The following GPHN variants were observed in gnomAD, a reference collection of about 807,000 sequenced individuals.
GPHN encodes gephyrin.
In GPHN, 17 loss-of-function variants were observed where a neutral mutation model predicts 95.5. That is an observed-to-expected ratio of 0.18 (90% CI 0.12 to 0.27). GPHN has a LOEUF of 0.27. GPHN is among the 10% of genes least tolerant of loss of function. The probability of loss-of-function intolerance (pLI) is 1.00; values close to 1 mark genes in which losing one functional copy is unlikely to be tolerated. For missense variants in GPHN, 660 were observed against 978.1 expected (o/e 0.67, Z 4.34); for synonymous variants, 320 against 322.5 (o/e 0.99, Z 0.08).
the GPHN span, among the ~76,000 whole-genome samples, chr14:67,659,363 TTA>T: frequency 6.6e-6 from 1 of 152,038 alleles, no homozygotes; most frequent in African/African-American, 2.4e-5. Context: ...ATTCTAAAAT[TTA>T]TATGAGAGAA....
In GPHN at chr14:67,070,711, A is replaced by ATAT. The variant is rs1555482635; in HGVS notation, c.1144+11925_1144+11926insTAT. On this transcript the variant is annotated intron_variant, in intron 11 of 22. Coordinates refer to ENST00000478722, the MANE Select transcript of GPHN (RefSeq NM_020806.5). ...CTTCATCTCAAAAAAAAAAAAAAAAAAAAAATATATATATATATCCAATCA... is the reference window on the plus strand; with the variant it reads ...CTTCATCTCAAAAAAAAAAAAAAAAATATAAAAATATATATATATATCCAATCA... Among the ~76,000 whole-genome samples the ATAT allele has an allele frequency of 3.3e-5, 3 of 89,916 alleles. No homozygotes were observed. The South Asian group carries it at 1.2e-3, about 35-fold the overall frequency. 59.0% of individuals were successfully genotyped at this position (89,916 alleles called of 152,430 possible).
the GPHN span, among the ~76,000 whole-genome samples, chr14:67,631,657 C>G: frequency 3.9e-5 from 6 of 152,052 alleles, 1 homozygote; most frequent in Non-Finnish European, 7.4e-5. Flanking sequence ...GTGTTTAACT[C>G]CTGGCCTCAT....
At chr14:66,729,594 T>A (rs928667787) in intron 2 of GPHN, among the ~76,000 whole-genome samples, 1 of 152,202 alleles carries the variant, frequency 6.6e-6, no homozygotes, top group Non-Finnish European at 1.5e-5. Flanking sequence ...ATATGTTGCT[T>A]GGGTGGCAGT....
chr14:67,295,965 G>A, the GPHN span, among the ~76,000 whole-genome samples: 1 of 152,156 alleles, frequency 6.6e-6, no homozygotes, highest in Non-Finnish European at 1.5e-5. Context: ...TTGTCAACCT[G>A]TGAAAGTTGC....
At chr14:67,519,803 G>T in the GPHN span, among the ~76,000 whole-genome samples, 3 of 151,530 alleles carry the variant, frequency 2.0e-5, no homozygotes, top group South Asian at 6.2e-4. Flanking sequence ...GCTTACTGCA[G>T]CCTTGAACTC....
At chr14:67,276,305 C>A in the GPHN span, among the ~76,000 whole-genome samples, 1 of 152,106 alleles carries the variant, frequency 6.6e-6, no homozygotes, top group African/African-American at 2.4e-5. Flanking sequence ...TTATTGTATT[C>A]TATTCTGTTT....
the GPHN span, chr14:67,580,109 C>T: frequency 2.1e-4 from 103 of 488,416 alleles, 1 homozygote; most frequent in Non-Finnish European, 2.5e-4. Flanking sequence ...CTACTTCCCT[C>T]GAGTGGCTGT....
chr14:67,342,625 G>C, the GPHN span, among the ~76,000 whole-genome samples: 1 of 147,480 alleles, frequency 6.8e-6, no homozygotes, highest in South Asian at 2.1e-4. Context: ...CAGTCAAAAA[G>C]GTTTTTTAAA....
the GPHN span, among the ~76,000 whole-genome samples, chr14:67,664,043 C>T: frequency 6.6e-6 from 1 of 152,188 alleles, no homozygotes; most frequent in Non-Finnish European, 1.5e-5. Flanking sequence ...TGGAAATCTA[C>T]ACATAATCTA....
the GPHN span, among the ~76,000 whole-genome samples, chr14:67,524,866 A>G: frequency 6.6e-6 from 1 of 152,156 alleles, no homozygotes; most frequent in Non-Finnish European, 1.5e-5. Flanking sequence ...CCAGGTCCCC[A>G]TTGCCATATC....
chr14:67,184,565 G>A (rs191954717), downstream of GPHN, among the ~76,000 whole-genome samples: 32 of 152,234 alleles, frequency 2.1e-4, no homozygotes, highest in East Asian at 5.4e-3. Context: ...AGAAGGGAGA[G>A]ATGATTCAAA....
chr14:67,207,789 A>T, the GPHN span, among the ~76,000 whole-genome samples: 1 of 152,144 alleles, frequency 6.6e-6, no homozygotes, highest in African/African-American at 2.4e-5. Flanking sequence ...ACAAAAAAAA[A>T]TTTCTTTTAT....
chr14:67,190,548 C>G, the GPHN span, among the ~76,000 whole-genome samples: 2 of 152,170 alleles, frequency 1.3e-5, no homozygotes, highest in Middle Eastern at 3.2e-3. Context: ...ATTTTTCAGA[C>G]TGTTATCCCA....
chr14:66,875,277 C>T (rs1449348202), intron 4 of GPHN, among the ~76,000 whole-genome samples: 1 of 152,152 alleles, frequency 6.6e-6, no homozygotes, highest in African/African-American at 2.4e-5. Context: ...TTGGAAGGAA[C>T]AACTGGTACC....
chr14:67,727,436 G>T, the GPHN span: 4 of 432,956 alleles, frequency 9.2e-6, no homozygotes, highest in East Asian at 4.7e-5. Context: ...TATCTCATTT[G>T]ATTTTCACAG....
At chr14:67,565,077 T>C in the GPHN span, among the ~76,000 whole-genome samples, 1 of 152,064 alleles carries the variant, frequency 6.6e-6, no homozygotes. Context: ...CTAGTGAAAA[T>C]GGCATGTGGG....
At chr14:67,353,353 A>C in the GPHN span, among the ~76,000 whole-genome samples, 1 of 152,094 alleles carries the variant, frequency 6.6e-6, no homozygotes, top group Admixed American at 6.5e-5. Flanking sequence ...TTATTGCAGG[A>C]GTGGGTTGGT....
intron 3 of GPHN, among the ~76,000 whole-genome samples, chr14:66,813,174 G>A (rs1370257733): frequency 1.3e-5 from 2 of 152,068 alleles, no homozygotes; most frequent in Admixed American, 1.3e-4. Context: ...TGCTAATAGT[G>A]CCTACTATAA....
intron 5 of GPHN, among the ~76,000 whole-genome samples, chr14:66,898,439 C>T (rs113752124): frequency 5.7e-4 from 69 of 120,126 alleles, no homozygotes; most frequent in African/African-American, 1.9e-3. Flanking sequence ...TGTGTATGAA[C>T]GACCACTTGC....
Sources: allele counts gnomAD v4.1 joint callset (sites outside exome capture counted in the v4.1 genomes callset), GRCh38; gene constraint gnomAD v4.1.1; transcripts MANE v1.5; gene names NCBI Gene and HGNC (gene_info 2026-07-23, HGNC 2026-07-21).